Variants in ZNF107 observed in about 807,000 individuals in gnomAD.
ZNF107 encodes the protein zinc finger protein 107, also known as C2H2 type zinc-finger protein.
Under a neutral mutation model 12.3 loss-of-function variants are expected in ZNF107, and 19 were observed. The ratio of observed to expected loss-of-function variants is 1.55; its 90% CI spans 1.08 to 2.27. ZNF107 has a LOEUF of 2.27. ZNF107 is among the 30% of genes most tolerant of loss of function. The pLI is 0.00. For missense variants in ZNF107, 958 were observed against 979.9 expected, an observed-to-expected ratio of 0.98 and a Z score of 0.30; for synonymous variants, 317 against 330.5, an observed-to-expected ratio of 0.96 and a Z score of 0.44.
At chr7:64,693,445 G>A (rs1790187315) in intron 3 of ZNF107, among the ~76,000 whole-genome samples, 1 of 151,522 alleles carries the variant, frequency 6.6e-6, no homozygotes, top group Admixed American at 6.6e-5. Context: ...ACCTCTTTAA[G>A]TTTTTATAAA....
chr7:64,680,172 C>A (rs1789600518), intron 1 of ZNF107, among the ~76,000 whole-genome samples: 1 of 152,098 alleles, frequency 6.6e-6, no homozygotes, highest in African/African-American at 2.4e-5. Context: ...CCACTATTTC[C>A]CCTTTGAGAG....
chr7:64,681,949 C>T (rs1014871190), intron 1 of ZNF107, among the ~76,000 whole-genome samples: 2 of 152,098 alleles, frequency 1.3e-5, no homozygotes, highest in African/African-American at 4.8e-5. Context: ...TCCTCTCAAC[C>T]TCTTTTTGCC....
Position 64,666,205 on chromosome 7 carries a change from C to G in ZNF107, c.-78C>G. 6.4e-7 allele frequency: 1 copy of G among 1,572,652 alleles called. No homozygotes were observed. ...CTCAGTGTCCTCTGCTCCTAGAGGC[C>G]CAGCCTCTGTGTCCCTGTGACCTGC... On this transcript the variant is annotated 5_prime_UTR_variant, in exon 1 of 4. Coordinates refer to ENST00000620827, the MANE Select transcript of ZNF107 (RefSeq NM_001282359.2).
At position 64,708,260 on chromosome 7, in the gene ZNF107, T is replaced by C; in HGVS notation, c.2163T>C (p.Asn721=). 6.2e-7 allele frequency: 1 copy of C among 1,613,668 alleles called. No individual in the cohort carries two copies. Among genetic ancestry groups the C allele is most frequent in the Non-Finnish European group, 8.5e-7 (1 of 1,179,782 alleles). ...GKAFNCSSTL[N]RHKIIHTGEK... ...CCTTTAACTGCTCCTCAACCCTTAA[T>C]AGACATAAGATAATTCATACTGGAG... The change falls in exon 4 of 4, where the codon AAT becomes AAC. Residue 721 remains asparagine (N), a synonymous_variant. Transcript: ENST00000620827.
chr7:64,681,695 C>G (rs943102977), intron 1 of ZNF107, among the ~76,000 whole-genome samples: 3 of 152,134 alleles, frequency 2.0e-5, no homozygotes, highest in African/African-American at 7.2e-5. Flanking sequence ...AGGCCTAAAG[C>G]CTTTTTACCC....
intron 3 of ZNF107, among the ~76,000 whole-genome samples, chr7:64,697,004 T>A (rs1290712684): frequency 6.6e-6 from 1 of 151,814 alleles, no homozygotes; most frequent in Non-Finnish European, 1.5e-5. Flanking sequence ...TGTGTGATGT[T>A]CCCCTTCCTG....
intron 1 of ZNF107, among the ~76,000 whole-genome samples, chr7:64,683,089 G>A (rs944649263): frequency 3.9e-5 from 6 of 152,174 alleles, no homozygotes; most frequent in African/African-American, 1.4e-4. Flanking sequence ...TATCGAGGCT[G>A]CTGCACTTCC....
At chr7:64,666,344 G>A (rs6460175) in intron 1 of ZNF107, 59 bp downstream of exon 1, 1,261,950 of 1,588,918 alleles carry the variant, frequency 0.79, 511,910 homozygotes, top group Non-Finnish European at 0.84. Context: ...GAACCGATCG[G>A]AAGTGGCTGT....
chr7:64,701,475 G>T (rs1790475509), intron 3 of ZNF107, among the ~76,000 whole-genome samples: 1 of 150,756 alleles, frequency 6.6e-6, no homozygotes, highest in Non-Finnish European at 1.5e-5. Flanking sequence ...TTACCATGTT[G>T]GCCAGGCTGG....
chr7:64,697,635 A>T (rs1790335557), intron 3 of ZNF107, among the ~76,000 whole-genome samples: 1 of 152,190 alleles, frequency 6.6e-6, no homozygotes, highest in African/African-American at 2.4e-5. Flanking sequence ...ATAGATTAAG[A>T]AATAGGATTT....
intron 3 of ZNF107, among the ~76,000 whole-genome samples, chr7:64,694,220 A>G (rs919682374): frequency 4.6e-5 from 7 of 152,216 alleles, no homozygotes; most frequent in African/African-American, 1.7e-4. Context: ...GCTACAAATG[A>G]GTGTTCTCCT....
intron 1 of ZNF107, chr7:64,686,700 A>G (rs1789927046): frequency 1.1e-6 from 1 of 950,482 alleles, no homozygotes; most frequent in South Asian, 4.9e-5. Flanking sequence ...CCACAAAAGA[A>G]GAACAACGGG....
chr7:64,667,819 C>T (rs1052042485), intron 1 of ZNF107, among the ~76,000 whole-genome samples: 1 of 152,068 alleles, frequency 6.6e-6, no homozygotes, highest in Non-Finnish European at 1.5e-5. Flanking sequence ...TTCACTCAAC[C>T]CGACTTCCAT....
chr7:64,679,318 C>T (rs1346943515), intron 1 of ZNF107: 4 of 985,070 alleles, frequency 4.1e-6, no homozygotes, highest in Non-Finnish European at 4.8e-6. Context: ...GTAAAAGCCC[C>T]GCCTCTGCCT....
At chr7:64,705,983 T>C (rs1220217680) in intron 3 of ZNF107, among the ~76,000 whole-genome samples, 1 of 150,182 alleles carries the variant, frequency 6.7e-6, no homozygotes, top group South Asian at 2.1e-4. Context: ...AAAAAAACAC[T>C]AAGAGTTGGC....
chr7:64,708,475 A>G lies in ZNF107; in HGVS notation c.2378A>G (p.Glu793Gly), dbSNP rs1386051855. ...TCAGAGAAACCCTACAAATGTGAAG[A>G]ATGTGGCAAATCCTTTAACCAGTTC... is the stretch of plus-strand genomic sequence containing the variant. The part of the protein sequence containing the change: ...HTSEKPYKCE[E>G]CGKSFNQFSS... Residue 793 changes from glutamate (E) to glycine (G), a missense_variant, in exon 4 of 4, where the codon GAA becomes GGA. By Grantham distance (98) the Glu-to-Gly change is moderately conservative. Transcript: ENST00000620827. 1.9e-6 allele frequency: 3 copies of G among 1,613,128 alleles called. No individual in the cohort carries two copies. The highest frequency in any genetic ancestry group is 2.5e-6 in the Non-Finnish European group (3 of 1,179,626).
At chr7:64,685,121 C>T (rs1476833716) in intron 1 of ZNF107, among the ~76,000 whole-genome samples, 6 of 152,202 alleles carry the variant, frequency 3.9e-5, no homozygotes, top group Admixed American at 3.9e-4. Flanking sequence ...ACAGGTCGTG[C>T]AGTTCAACTT....
intron 1 of ZNF107, among the ~76,000 whole-genome samples, chr7:64,672,688 A>G (rs1030942223): frequency 2.0e-5 from 3 of 152,036 alleles, no homozygotes; most frequent in Admixed American, 6.5e-5. Flanking sequence ...TATCCAGTCT[A>G]CCGTCGATAG....
chr7:64,685,369 C>G lies in ZNF107; in HGVS notation c.4-5879C>G, dbSNP rs1459193272. The stretch of plus-strand genomic sequence containing the variant: ...CTCCCAAACAGCTACATTCAAACAG[C>G]CTGTCCGCTTCTCAAAGCCCCCAGA... On this transcript the variant is annotated intron_variant, in intron 1 of 3. Transcript: ENST00000620827. Among the ~76,000 whole-genome samples, 5 of 152,168 alleles carry G rather than the reference C, an allele frequency of 3.3e-5. No individual in the cohort carries two copies. The South Asian group carries it at 1.0e-3, about 32-fold the overall frequency.
Sources: gnomAD v4.1 joint callset for allele counts (sites outside exome capture counted in the v4.1 genomes callset) on GRCh38, gnomAD v4.1.1 for gene constraint, MANE v1.5 for transcripts, NCBI Gene and HGNC (gene_info 2026-07-23, HGNC 2026-07-21) for gene names.